The following STRA8 variants were observed in gnomAD, a reference collection of about 807,000 sequenced individuals.
The protein encoded by STRA8 is stimulated by retinoic acid gene 8 protein homolog.
A neutral mutation model predicts 37.1 loss-of-function variants in STRA8; 18 were observed. The ratio of observed to expected loss-of-function variants is 0.48; its 90% confidence interval spans 0.34 to 0.72. The LOEUF is 0.72. Ranked by LOEUF, STRA8 falls within the 30% of genes least tolerant of loss-of-function variation. STRA8 has a pLI of 0.01. For synonymous variants in STRA8, 168 were observed against 162.9 expected (o/e 1.03, Z -0.24); for missense variants, 357 against 410.4 (o/e 0.87, Z 1.13).
intron 1 of STRA8, among the ~76,000 whole-genome samples, chr7:135,235,443 CT>C (rs35888510): frequency 0.033 from 4,514 of 135,608 alleles, 163 homozygotes; most frequent in Admixed American, 0.12. Flanking sequence ...ATGAGCATGA[CT>C]TTTTTTTTTT....
intron 1 of STRA8, among the ~76,000 whole-genome samples, chr7:135,236,785 C>T (rs559684485): frequency 6.6e-6 from 1 of 152,274 alleles, no homozygotes; most frequent in South Asian, 2.1e-4. Flanking sequence ...TCATTCAACC[C>T]AGTGTCTCTG....
chr7:135,257,459 T>C (rs1186224899), intron 8 of STRA8, among the ~76,000 whole-genome samples: 2 of 152,086 alleles, frequency 1.3e-5, no homozygotes, highest in East Asian at 3.8e-4. Context: ...CTTTTTTTTT[T>C]CACCCAGGAT....
At chr7:135,232,060 T>C (rs756626881), upstream of STRA8, 10 of 1,613,208 alleles carry the variant, frequency 6.2e-6, no homozygotes, top group South Asian at 6.6e-5. Context: ...TCTTAGTAAC[T>C]TTCCCCCCAG....
chr7:135,244,296 T>C (rs988290912), intron 4 of STRA8, among the ~76,000 whole-genome samples: 2 of 152,190 alleles, frequency 1.3e-5, no homozygotes, highest in Non-Finnish European at 1.5e-5. Flanking sequence ...GACCTCAAGG[T>C]ATCTACCTGC....
upstream of STRA8, chr7:135,231,989 T>C (rs1208099371): frequency 5.0e-6 from 8 of 1,613,956 alleles, no homozygotes; most frequent in Admixed American, 1.7e-5. Flanking sequence ...ATGGGGAAGA[T>C]TGATGTGGAC....
At chr7:135,242,909 C>T in intron 3 of STRA8, 53 bp downstream of exon 3, 1 of 1,572,382 alleles carries the variant, frequency 6.4e-7, no homozygotes, top group Non-Finnish European at 8.7e-7. Flanking sequence ...AAAACTGGAT[C>T]TGTTTTTCTA....
intron 6 of STRA8, among the ~76,000 whole-genome samples, chr7:135,247,685 G>A (rs1832581858): frequency 6.6e-6 from 1 of 152,228 alleles, no homozygotes; most frequent in African/African-American, 2.4e-5. Flanking sequence ...CCACCCCAAA[G>A]AGCACTGGGA....
intron 6 of STRA8, among the ~76,000 whole-genome samples, chr7:135,248,120 T>C (rs1272189830): frequency 6.6e-6 from 1 of 152,226 alleles, no homozygotes; most frequent in Non-Finnish European, 1.5e-5. Context: ...CGATTGTCTC[T>C]GACCCTGGAG....
rs968484275 is a variant in STRA8 at position 135,246,272 on chromosome 7, G to A, written c.594-145G>A. 1.9e-5 allele frequency: 21 copies of A among 1,103,800 alleles called. No individual in the cohort carries two copies. The highest frequency in any genetic ancestry group is 2.6e-5 in the Non-Finnish European group (20 of 757,848). The allele number at this position is 1,103,800 out of a possible 1,614,324, so 68.4% of individuals were successfully genotyped here. On this transcript the variant is annotated intron_variant, in intron 5 of 8. Coordinates refer to ENST00000662584, the MANE Select transcript of STRA8 (RefSeq NM_001394401.1). The surrounding 1 kb of genome is among the most constrained non-coding windows in gnomAD (Gnocchi z 5.4). ...GGCTGCTGCTCTCCAAGGGCCAGGG[G>A]CGTGCAGAGTCTGAGAAGTCTCAGC...
intron 7 of STRA8, among the ~76,000 whole-genome samples, chr7:135,254,215 C>A (rs1832675154): frequency 1.3e-5 from 2 of 152,144 alleles, no homozygotes; most frequent in African/African-American, 2.4e-5. Context: ...AAGCTGCCAG[C>A]CTGTCCTTGC....
intron 6 of STRA8, chr7:135,247,139 C>T (rs1832573083): frequency 6.4e-6 from 1 of 157,478 alleles, no homozygotes; most frequent in Admixed American, 6.5e-5. Flanking sequence ...GCCACCGCGC[C>T]CGGCCGGTTT....
At chr7:135,239,604 GAGT>G (rs1392732484) in intron 1 of STRA8, among the ~76,000 whole-genome samples, 13 of 152,210 alleles carry the variant, frequency 8.5e-5, no homozygotes, top group Non-Finnish European at 1.8e-4. Flanking sequence ...GGCTAGTGGG[GAGT>G]AGATCTCTGA....
chr7:135,250,930 G>T (rs1832626826), intron 6 of STRA8, among the ~76,000 whole-genome samples: 1 of 152,120 alleles, frequency 6.6e-6, no homozygotes, highest in Non-Finnish European at 1.5e-5. Flanking sequence ...GGGGAAGCAG[G>T]ATGAAAAACT....
At chr7:135,240,807 G>T in intron 2 of STRA8, 91 bp downstream of exon 2, 1 of 1,401,700 alleles carries the variant, frequency 7.1e-7, no homozygotes, top group Non-Finnish European at 9.8e-7. Context: ...GCAGGGACTG[G>T]CCTGGAGCTG....
In STRA8 at chr7:135,246,268, A is replaced by G; in HGVS notation, c.594-149A>G. Reference sequence around the variant, plus strand: ...GGAAGGCTGCTGCTCTCCAAGGGCCAGGGGCGTGCAGAGTCTGAGAAGTCT... The same window carrying G: ...GGAAGGCTGCTGCTCTCCAAGGGCCGGGGGCGTGCAGAGTCTGAGAAGTCT... On this transcript the variant is annotated intron_variant, in intron 5 of 8. Transcript: ENST00000662584. The surrounding 1 kb of genome is among the most constrained non-coding windows in gnomAD (Gnocchi z 5.4). 1 of 1,076,288 alleles carries G rather than the reference A, an allele frequency of 9.3e-7. No homozygotes were observed. The highest frequency in any genetic ancestry group is 1.4e-6 in the Non-Finnish European group (1 of 737,680). The allele number at this position is 1,076,288 out of a possible 1,614,324, so 66.7% of individuals were successfully genotyped here.
rs188020000 is a variant in STRA8, at chr7:135,241,414, G to C, written c.192+698G>C. On this transcript the variant is annotated intron_variant, in intron 2 of 8. Transcript: ENST00000662584. The stretch of plus-strand genomic sequence containing the variant: ...CTTTTTAGGCACCACTAGAATCCTT[G>C]GAATCTAGAATGTCAAATCCCAGGC... Among the ~76,000 whole-genome samples, 9 of 152,204 alleles carry C rather than the reference G, an allele frequency of 5.9e-5. No homozygotes were observed. In the East Asian group the frequency reaches 9.7e-4, roughly 16 times the overall value.
At chr7:135,248,904 C>G (rs1325426518) in intron 6 of STRA8, among the ~76,000 whole-genome samples, 2 of 152,174 alleles carry the variant, frequency 1.3e-5, no homozygotes, top group South Asian at 4.1e-4. Context: ...GGCTTCTGAT[C>G]TGGTTTTCCT....
intron 1 of STRA8, 104 bp from the exon 2 acceptor site, chr7:135,240,415 G>A: frequency 8.9e-7 from 1 of 1,126,904 alleles, no homozygotes; most frequent in Non-Finnish European, 1.3e-6. Context: ...CCTTTACTTG[G>A]GAAGGGTACC....
chr7:135,238,900 T>G (rs777641290), intron 1 of STRA8, among the ~76,000 whole-genome samples: 51 of 152,172 alleles, frequency 3.4e-4, no homozygotes, highest in Non-Finnish European at 5.6e-4. Flanking sequence ...GGTGCTGTTT[T>G]CCCTTGGAAG....
Sources: allele counts gnomAD v4.1 joint callset (sites outside exome capture counted in the v4.1 genomes callset), GRCh38; gene constraint gnomAD v4.1.1; non-coding constraint Gnocchi (gnomAD v3.1); transcripts MANE v1.5; gene names NCBI Gene and HGNC (gene_info 2026-07-23, HGNC 2026-07-21).